Variants in VPS13B observed in about 807,000 individuals in gnomAD.
VPS13B encodes the protein intermembrane lipid transfer protein VPS13B.
VPS13B carries 285 observed loss-of-function variants against 426.4 expected under a neutral mutation model. The observed-to-expected ratio is 0.67, with a 90% CI of 0.61 to 0.74. The LOEUF (loss-of-function observed/expected upper bound fraction) is 0.74, where lower values mean the gene tolerates loss of function less well. VPS13B is among the 30% of genes least tolerant of loss of function. VPS13B has a pLI of 0.00. For missense variants in VPS13B, 4,537 were observed against 4,782.6 expected, an observed-to-expected ratio of 0.95 and a Z score of 1.51; for synonymous variants, 1,676 against 1,676.4, an observed-to-expected ratio of 1.00 and a Z score of 0.01.
chr8:99,697,822 C>A, intron 35 of VPS13B: 1 of 595,506 alleles, frequency 1.7e-6, no homozygotes, highest in South Asian at 1.5e-5. Flanking sequence ...AAAGCAAGCT[C>A]ACCAGCCTGG....
At chr8:99,304,328 C>G (rs1360504858) in intron 19 of VPS13B, among the ~76,000 whole-genome samples, 1 of 151,788 alleles carries the variant, frequency 6.6e-6, no homozygotes, top group Non-Finnish European at 1.5e-5. Flanking sequence ...AGAGGATAAT[C>G]AGGGATTAGG....
At chr8:99,023,454 T>A (rs1369497717) in intron 2 of VPS13B, among the ~76,000 whole-genome samples, 2 of 152,006 alleles carry the variant, frequency 1.3e-5, no homozygotes, top group East Asian at 3.8e-4. Flanking sequence ...CCGTTGTGTG[T>A]ACACACCACA....
chr8:99,688,088 G>A (rs1197904492), intron 35 of VPS13B, among the ~76,000 whole-genome samples: 1 of 148,424 alleles, frequency 6.7e-6, no homozygotes, highest in African/African-American at 2.5e-5. Context: ...TGCAAACTCA[G>A]ATATTATAAG....
intron 2 of VPS13B, among the ~76,000 whole-genome samples, chr8:99,022,278 A>G (rs1469606279): frequency 6.6e-6 from 1 of 151,118 alleles, no homozygotes; most frequent in East Asian, 1.9e-4. Context: ...TTCTCTAACC[A>G]TATATTTAGC....
chr8:99,864,079 C>T (rs968243726), intron 58 of VPS13B, among the ~76,000 whole-genome samples: 1 of 152,142 alleles, frequency 6.6e-6, no homozygotes, highest in South Asian at 2.1e-4. Flanking sequence ...AATGTCTGGT[C>T]CTAGAACTAC....
At chr8:99,597,136 T>G in intron 33 of VPS13B, among the ~76,000 whole-genome samples, 1 of 152,048 alleles carries the variant, frequency 6.6e-6, no homozygotes, top group East Asian at 1.9e-4. Flanking sequence ...CTCCCTTTTC[T>G]TTAGGTAAAC....
At chr8:99,016,288 A>G (rs567655319) in intron 2 of VPS13B, among the ~76,000 whole-genome samples, 2 of 152,264 alleles carry the variant, frequency 1.3e-5, no homozygotes. Context: ...TTCATTTTAT[A>G]TTGCCAAATA....
intron 40 of VPS13B, among the ~76,000 whole-genome samples, chr8:99,770,959 T>C (rs1811458445): frequency 6.6e-6 from 1 of 152,216 alleles, no homozygotes; most frequent in African/African-American, 2.4e-5. Context: ...TCATGAGCCC[T>C]ACTCTCTTGG....
At position 99,697,069 on chromosome 8, in the gene VPS13B, G is replaced by A. The variant is rs534147910; in HGVS notation, c.6047-2456G>A. 1.2e-4 allele frequency: 66 copies of A among 539,124 alleles called. 1 individual carries two copies. Among genetic ancestry groups the A allele is most frequent in the South Asian group, 9.7e-4 (51 of 52,542 alleles). The allele number at this position is 539,124 out of a possible 1,614,324, so 33.4% of individuals were successfully genotyped here. A position where few individuals can be genotyped will look rare whatever the true frequency, so the allele number is the denominator to read the frequency against. On this transcript the variant is annotated intron_variant, in intron 35 of 61. Transcript: ENST00000357162. ...ACCTGCATCAGGAGATTCCCATATC[G>A]CTACTCATCCTGTCCCAGACGATGT... is the stretch of plus-strand genomic sequence containing the variant.
intron 3 of VPS13B, among the ~76,000 whole-genome samples, chr8:99,061,189 C>G (rs1023325733): frequency 1.3e-5 from 2 of 151,780 alleles, no homozygotes; most frequent in Non-Finnish European, 2.9e-5. Context: ...ATTTTTTTGG[C>G]ATGTTTTTGA....
intron 17 of VPS13B, among the ~76,000 whole-genome samples, chr8:99,249,036 C>T (rs1295668862): frequency 2.0e-5 from 3 of 152,136 alleles, no homozygotes; most frequent in Non-Finnish European, 4.4e-5. Context: ...AGTAATTGCT[C>T]ATAATTCCTC....
chr8:99,472,332 A>G (rs1819457354), intron 24 of VPS13B, among the ~76,000 whole-genome samples: 1 of 152,100 alleles, frequency 6.6e-6, no homozygotes, highest in African/African-American at 2.4e-5. Flanking sequence ...ACATGGTCTC[A>G]TTTTTAAGAG....
intron 28 of VPS13B, among the ~76,000 whole-genome samples, chr8:99,509,264 TG>T (rs1821659109): frequency 6.6e-6 from 1 of 152,148 alleles, no homozygotes; most frequent in South Asian, 2.1e-4. Context: ...TACATCTTTT[TG>T]TTTTTGAGTG....
At chr8:99,661,317 G>A (rs777425730) in intron 34 of VPS13B, 37 bp from the exon 35 acceptor site, 4 of 1,612,138 alleles carry the variant, frequency 2.5e-6, no homozygotes, top group Non-Finnish European at 3.4e-6. Flanking sequence ...TATTTGTGAT[G>A]TAACTGATGT....
intron 39 of VPS13B, among the ~76,000 whole-genome samples, chr8:99,740,609 G>A (rs956159094): frequency 3.3e-5 from 5 of 152,200 alleles, no homozygotes; most frequent in African/African-American, 1.2e-4. Context: ...AACCCATCAT[G>A]CTAACAGCTG....
intron 35 of VPS13B, among the ~76,000 whole-genome samples, chr8:99,674,247 G>C (rs1830831367): frequency 1.3e-5 from 2 of 151,808 alleles, no homozygotes; most frequent in Non-Finnish European, 2.9e-5. Context: ...AGTAATATTT[G>C]CTTTATATAT....
At chr8:99,246,849 CAA>C (rs11312937) in intron 17 of VPS13B, among the ~76,000 whole-genome samples, 38 of 135,848 alleles carry the variant, frequency 2.8e-4, no homozygotes, top group Non-Finnish European at 2.2e-4. Context: ...GACTCTGTCT[CAA>C]AAAAAAAAAA....
chr8:99,136,206 T>A (rs1810061674), intron 11 of VPS13B, among the ~76,000 whole-genome samples: 1 of 152,116 alleles, frequency 6.6e-6, no homozygotes, highest in Non-Finnish European at 1.5e-5. Context: ...ACTCTTTTTT[T>A]ATCAAGATTT....
Position 99,823,865 on chromosome 8 carries a change from C to A in VPS13B, c.9217C>A (p.Gln3073Lys). 6.2e-7 allele frequency: 1 copy of A among 1,613,540 alleles called. No homozygotes were observed. Among genetic ancestry groups the A allele is most frequent in the Non-Finnish European group, 8.5e-7 (1 of 1,179,802 alleles). Residue 3073 changes from glutamine (Q) to lysine (K), a missense_variant, in exon 51 of 62, where the codon CAA becomes AAA. Gln to Lys is a moderately conservative substitution (Grantham distance 53, BLOSUM62 1). Coordinates refer to ENST00000357162, the MANE Select transcript of VPS13B (RefSeq NM_152564.5). ...GTTCTGCATTTCCTCCATGGTACAG[C>A]AAGGTATACAAATTATTCAGATTGA... ...CQFCISSMVQ[Q>K]GIQIIQIEDK...
Sources: allele counts gnomAD v4.1 joint callset (sites outside exome capture counted in the v4.1 genomes callset), GRCh38; gene constraint gnomAD v4.1.1; transcripts MANE v1.5; gene names NCBI Gene and HGNC (gene_info 2026-07-23, HGNC 2026-07-21).